GPR158: variants seen among roughly 807,000 people sequenced by gnomAD.
The protein encoded by GPR158 is G protein-coupled receptor 158, also known as metabotropic glycine receptor.
In GPR158, 30 loss-of-function variants were observed where a neutral mutation model predicts 78.2. That is an observed-to-expected ratio of 0.38 (90% CI 0.29 to 0.52). GPR158 has a LOEUF of 0.52. GPR158 is among the 20% of genes least tolerant of loss of function. The pLI is 0.83. For synonymous variants in GPR158, 581 were observed against 591.1 expected, an observed-to-expected ratio of 0.98 and a Z score of 0.25; for missense variants, 1,463 against 1,523.5, an observed-to-expected ratio of 0.96 and a Z score of 0.66.
intron 5 of GPR158, among the ~76,000 whole-genome samples, chr10:25,547,349 T>C (rs1481384089): frequency 6.6e-6 from 1 of 152,082 alleles, no homozygotes; most frequent in Non-Finnish European, 1.5e-5. Context: ...ATTCAAAGCT[T>C]ACAATGATCT....
chr10:25,381,034 G>A (rs1308527568), intron 2 of GPR158, among the ~76,000 whole-genome samples: 1 of 152,164 alleles, frequency 6.6e-6, no homozygotes, highest in Non-Finnish European at 1.5e-5. Flanking sequence ...ATAAGTATAG[G>A]ACAGAGCCCT....
At chr10:25,360,772 A>C (rs1330623321) in intron 2 of GPR158, among the ~76,000 whole-genome samples, 1 of 151,946 alleles carries the variant, frequency 6.6e-6, no homozygotes, top group Non-Finnish European at 1.5e-5. Context: ...ATGAAATTTA[A>C]AGTAGTTTTT....
rs1456740647 is a variant in GPR158 at position 25,515,869 on chromosome 10, A to C, written c.1405-35107A>C. ...CTTTATAGCAGCATGATTTATAGTC[A>C]TTTGGGTATATACCCAGTAATGGGA... On this transcript the variant is annotated intron_variant, in intron 5 of 10. Coordinates refer to ENST00000376351, the MANE Select transcript of GPR158 (RefSeq NM_020752.3). Among the ~76,000 whole-genome samples, 612 of 150,640 alleles carry C rather than the reference A, an allele frequency of 4.1e-3. 18 individuals are homozygous for C. The highest frequency in any genetic ancestry group is 0.03 in the Admixed American group (459 of 15,162).
chr10:25,499,053 G>A (rs1034695131), intron 5 of GPR158, among the ~76,000 whole-genome samples: 10 of 152,124 alleles, frequency 6.6e-5, no homozygotes, highest in African/African-American at 2.2e-4. Flanking sequence ...TAAGTGGGAA[G>A]GGCAGAAACA....
chr10:25,352,826 C>T (rs1047192434), intron 2 of GPR158, among the ~76,000 whole-genome samples: 7 of 151,964 alleles, frequency 4.6e-5, no homozygotes, highest in Non-Finnish European at 1.0e-4. Flanking sequence ...AGGCCTTGAA[C>T]TGTTACTCTG....
intron 1 of GPR158, among the ~76,000 whole-genome samples, chr10:25,217,193 T>TG (rs1354835532): frequency 2.0e-5 from 3 of 152,224 alleles, no homozygotes; most frequent in African/African-American, 7.2e-5. Context: ...GGTCTCTTTC[T>TG]GGTATAATGT....
intron 6 of GPR158, among the ~76,000 whole-genome samples, chr10:25,556,700 G>A (rs534352784): frequency 2.0e-5 from 3 of 152,290 alleles, no homozygotes; most frequent in Non-Finnish European, 2.9e-5. Context: ...GAGCAAGTTC[G>A]AAAGCCAAGG....
At chr10:25,408,459 AACCT>A (rs1834543646) in intron 3 of GPR158, among the ~76,000 whole-genome samples, 2 of 152,156 alleles carry the variant, frequency 1.3e-5, no homozygotes, top group Non-Finnish European at 1.5e-5. Flanking sequence ...GGGAAATCCT[AACCT>A]CTGTGTCTCA....
Position 25,374,406 on chromosome 10 carries a change from A to T in GPR158, c.1009-21505A>T, listed in dbSNP as rs149831837. 4.3e-3 allele frequency among the ~76,000 whole-genome samples: 650 copies of T among 151,794 alleles called. 7 individuals carry two copies. Among genetic ancestry groups the T allele is most frequent in the African/African-American group, 0.015 (616 of 41,506 alleles). On this transcript the variant is annotated intron_variant, in intron 2 of 10. Transcript: ENST00000376351. ...AACTGTCATTGGTAACAGTCCACAG[A>T]GCTTATTCAGATTTCATCAATGTTA...
chr10:25,557,682 A>T lies in GPR158; in HGVS notation c.1514+6597A>T, dbSNP rs77228803. Among the ~76,000 whole-genome samples the T allele has an allele frequency of 2.5e-3, 376 of 152,358 alleles. 1 individual carries two copies. The highest frequency in any genetic ancestry group is 8.6e-3 in the African/African-American group (356 of 41,582). On this transcript the variant is annotated intron_variant, in intron 6 of 10. Transcript: ENST00000376351. ...ATTTCTGCCATGAGTAGCTCCATTT[A>T]TAGATTAGTATGTTTAGTCTACTCA...
chr10:25,592,265 A>G (rs890777583), intron 8 of GPR158, among the ~76,000 whole-genome samples: 1 of 152,064 alleles, frequency 6.6e-6, no homozygotes. Flanking sequence ...AAATTGTCAA[A>G]TTGCACAAAA....
rs118153478 is a variant in GPR158, at chr10:25,451,788, C to T, written c.1336-14863C>T. On this transcript the variant is annotated intron_variant, in intron 4 of 10. Coordinates refer to ENST00000376351, the MANE Select transcript of GPR158 (RefSeq NM_020752.3). Reference sequence around the variant, plus strand: ...TAAGTGTGAAGTGCTAGAATGATAGCTGGTACAAAAATGCAGCTGTTGTCA... The same window carrying T: ...TAAGTGTGAAGTGCTAGAATGATAGTTGGTACAAAAATGCAGCTGTTGTCA... Among the ~76,000 whole-genome samples the T allele has an allele frequency of 3.6e-3, 542 of 152,204 alleles. 3 individuals are homozygous for T. Among genetic ancestry groups the T allele is most frequent in the Non-Finnish European group, 6.3e-3 (431 of 68,008 alleles).
chr10:25,491,192 C>A (rs567981528), intron 5 of GPR158, among the ~76,000 whole-genome samples: 2 of 152,212 alleles, frequency 1.3e-5, no homozygotes, highest in South Asian at 2.1e-4. Context: ...GTAAAAGAGT[C>A]AATTATTGCT....
In GPR158 at chr10:25,478,518, G is replaced by GTGTGTGTC. The variant is rs1554807432; in HGVS notation, c.1404+11806_1404+11807insCTGTGTGT. On this transcript the variant is annotated intron_variant, in intron 5 of 10. Coordinates refer to ENST00000376351, the MANE Select transcript of GPR158 (RefSeq NM_020752.3). ...CGTGTGTGTGTGTGTGTGTGTGTGT[G>GTGTGTGTC]TGTGTGTGTAGAGAGAAGAGAAAGA... is the stretch of plus-strand genomic sequence containing the variant. 2.0e-5 allele frequency among the ~76,000 whole-genome samples: 3 copies of GTGTGTGTC among 150,416 alleles called. No homozygotes were observed. The Admixed American group carries it at 2.0e-4, about 10-fold the overall frequency.
intron 4 of GPR158, among the ~76,000 whole-genome samples, chr10:25,438,859 T>A (rs1350418387): frequency 6.6e-6 from 1 of 152,218 alleles, no homozygotes; most frequent in East Asian, 1.9e-4. Context: ...TAGCAAACTA[T>A]GGCTTGCTGC....
At chr10:25,306,049 A>C (rs1019002977) in intron 2 of GPR158, among the ~76,000 whole-genome samples, 2 of 152,154 alleles carry the variant, frequency 1.3e-5, no homozygotes, top group Admixed American at 6.5e-5. Flanking sequence ...ACACTAAATT[A>C]GGCTCTTATC....
chr10:25,304,742 C>G (rs1417758177), intron 2 of GPR158, among the ~76,000 whole-genome samples: 1 of 152,090 alleles, frequency 6.6e-6, no homozygotes, highest in African/African-American at 2.4e-5. Context: ...GGCTAGTAGG[C>G]TAATAAGTAT....
intron 7 of GPR158, among the ~76,000 whole-genome samples, chr10:25,583,875 C>T (rs1387683649): frequency 6.6e-6 from 1 of 152,156 alleles, no homozygotes; most frequent in Admixed American, 6.5e-5. Context: ...AGTACCACAG[C>T]TTGAGTGGCA....
chr10:25,371,281 T>C (rs1213943097), intron 2 of GPR158, among the ~76,000 whole-genome samples: 1 of 151,988 alleles, frequency 6.6e-6, no homozygotes, highest in East Asian at 1.9e-4. Context: ...CTTTACATGT[T>C]GGAATGATTT....
Sources: gnomAD v4.1 joint callset for allele counts (sites outside exome capture counted in the v4.1 genomes callset) on GRCh38, gnomAD v4.1.1 for gene constraint, MANE v1.5 for transcripts, NCBI Gene and HGNC (gene_info 2026-07-23, HGNC 2026-07-21) for gene names.